The following VIT variants were observed in gnomAD, a reference collection of about 807,000 sequenced individuals.
VIT encodes the protein vitrin.
A neutral mutation model predicts 78.0 loss-of-function variants in VIT; 99 were observed. That is an observed-to-expected ratio of 1.27 (90% CI 1.08 to 1.50). The LOEUF is 1.50. Among genes scored for constraint, VIT ranks in the 40% most tolerant of loss-of-function variants. VIT has a pLI of 0.00. For missense variants in VIT, 1,126 were observed against 875.3 expected (o/e 1.29, Z -3.61); for synonymous variants, 374 against 334.3 (o/e 1.12, Z -1.29).
At chr2:36,735,978 G>A (rs544506372) in intron 3 of VIT, among the ~76,000 whole-genome samples, 1 of 152,170 alleles carries the variant, frequency 6.6e-6, no homozygotes, top group Non-Finnish European at 1.5e-5. Context: ...GTAAGTTAAT[G>A]ACTTAATAAA....
intron 2 of VIT, among the ~76,000 whole-genome samples, chr2:36,723,253 C>T (rs1666625364): frequency 6.6e-6 from 1 of 152,086 alleles, no homozygotes; most frequent in South Asian, 2.1e-4. Context: ...ATTTCCAGAT[C>T]CATTAGAAAT....
chr2:36,788,839 A>G (rs1317925508), intron 12 of VIT, among the ~76,000 whole-genome samples: 2 of 152,206 alleles, frequency 1.3e-5, no homozygotes, highest in Middle Eastern at 3.2e-3. Context: ...TGAAAATAAG[A>G]TGATAAATAT....
At chr2:36,771,948 A>G (rs1202432652) in intron 7 of VIT, among the ~76,000 whole-genome samples, 1 of 152,214 alleles carries the variant, frequency 6.6e-6, no homozygotes, top group Non-Finnish European at 1.5e-5. Flanking sequence ...TGTGTTGTAC[A>G]TGAGAGCATG....
chr2:36,739,256 T>C (rs976127055), intron 3 of VIT, among the ~76,000 whole-genome samples: 7 of 152,232 alleles, frequency 4.6e-5, no homozygotes, highest in Admixed American at 4.6e-4. Flanking sequence ...TAAGGAAACT[T>C]GTTCTCCAGA....
At chr2:36,772,150 C>T (rs1383076684) in intron 7 of VIT, among the ~76,000 whole-genome samples, 1 of 152,004 alleles carries the variant, frequency 6.6e-6, no homozygotes, top group Non-Finnish European at 1.5e-5. Flanking sequence ...CTCATGCCTC[C>T]CTAATTCCAA....
Position 36,801,217 on chromosome 2 carries a change from A to G in VIT, c.1059-84A>G. On this transcript the variant is annotated intron_variant, in intron 12 of 15. Transcript: ENST00000379242. ...GCTTTGAAGCAGCTTCTATTTGTAT[A>G]TAAAAGAATCAACCATGATCTCTGC... 4.0e-6 allele frequency: 5 copies of G among 1,236,342 alleles called. No individual in the cohort carries two copies. In the Admixed American group the frequency reaches 8.7e-5, roughly 21 times the overall value. 76.6% of individuals were successfully genotyped at this position (1,236,342 alleles called of 1,614,324 possible). A position where few individuals can be genotyped will look rare whatever the true frequency, so the allele number is the denominator to read the frequency against.
intron 3 of VIT, among the ~76,000 whole-genome samples, chr2:36,733,561 A>T (rs1266292852): frequency 7.8e-6 from 1 of 128,790 alleles, no homozygotes; most frequent in Non-Finnish European, 1.8e-5. Flanking sequence ...ATTTGAAGAT[A>T]TGAAGAGAGA....
At chr2:36,718,325 G>A (rs1044241507) in intron 2 of VIT, among the ~76,000 whole-genome samples, 5 of 152,144 alleles carry the variant, frequency 3.3e-5, no homozygotes, top group Non-Finnish European at 7.4e-5. Context: ...CAGCTGGGAA[G>A]GCAAGGGGGC....
At chr2:36,770,084 A>G (rs1669656263) in intron 7 of VIT, among the ~76,000 whole-genome samples, 1 of 152,234 alleles carries the variant, frequency 6.6e-6, no homozygotes, top group African/African-American at 2.4e-5. Flanking sequence ...GGCTGTAGGC[A>G]AAAGGTTCTA....
At chr2:36,773,727 A>G in intron 7 of VIT, 64 bp from the exon 8 acceptor site, 1 of 1,259,772 alleles carries the variant, frequency 7.9e-7, no homozygotes, top group Non-Finnish European at 1.1e-6. Context: ...CCGACTCAAA[A>G]ATAAATAAAT....
chr2:36,727,523 G>A (rs529402379), intron 2 of VIT, among the ~76,000 whole-genome samples: 25 of 152,294 alleles, frequency 1.6e-4, no homozygotes, highest in Non-Finnish European at 3.5e-4. Context: ...CCTTCCTCTG[G>A]AAAATGGAGA....
At chr2:36,796,675 C>T (rs1228343047) in intron 12 of VIT, among the ~76,000 whole-genome samples, 1 of 151,742 alleles carries the variant, frequency 6.6e-6, no homozygotes, top group Non-Finnish European at 1.5e-5. Context: ...TTTGTTTGCC[C>T]AGGCTGGTCT....
intron 5 of VIT, among the ~76,000 whole-genome samples, chr2:36,755,471 A>T (rs1411936777): frequency 6.6e-6 from 1 of 152,196 alleles, no homozygotes; most frequent in Non-Finnish European, 1.5e-5. Flanking sequence ...CACAATGGCC[A>T]TATCAAGAGG....
intron 3 of VIT, among the ~76,000 whole-genome samples, chr2:36,731,114 C>T (rs1231451371): frequency 1.3e-5 from 2 of 151,846 alleles, no homozygotes; most frequent in Admixed American, 1.3e-4. Flanking sequence ...GGAGGTGGGG[C>T]TTCACCAGGG....
intron 15 of VIT, among the ~76,000 whole-genome samples, chr2:36,813,322 T>G (rs966137122): frequency 1.3e-5 from 2 of 151,984 alleles, no homozygotes; most frequent in African/African-American, 2.4e-5. Context: ...CAGTGGCACA[T>G]GCTGTAATCC....
intron 3 of VIT, among the ~76,000 whole-genome samples, chr2:36,735,378 T>A (rs914047071): frequency 6.6e-6 from 1 of 152,192 alleles, no homozygotes; most frequent in African/African-American, 2.4e-5. Flanking sequence ...ATCACATTAT[T>A]TTCTAAATCA....
chr2:36,710,204 G>C (rs1388717390), intron 1 of VIT, among the ~76,000 whole-genome samples: 1 of 152,102 alleles, frequency 6.6e-6, no homozygotes, highest in Non-Finnish European at 1.5e-5. Flanking sequence ...AATTTCAAGA[G>C]TTTTTTCATT....
At chr2:36,740,625 A>G (rs10490661) in intron 3 of VIT, among the ~76,000 whole-genome samples, 14,792 of 152,166 alleles carry the variant, frequency 0.097, 1,477 homozygotes, top group East Asian at 0.3. Flanking sequence ...GGACAAATTA[A>G]TGAGTGAATC....
intron 1 of VIT, among the ~76,000 whole-genome samples, chr2:36,700,635 A>G (rs184511439): frequency 1.3e-5 from 2 of 152,194 alleles, no homozygotes; most frequent in African/African-American, 4.8e-5. Context: ...CCAGCTACTA[A>G]AGAGGCTGAG....
Sources: gnomAD v4.1 joint callset for allele counts (sites outside exome capture counted in the v4.1 genomes callset) on GRCh38, gnomAD v4.1.1 for gene constraint, MANE v1.5 for transcripts, NCBI Gene and HGNC (gene_info 2026-07-23, HGNC 2026-07-21) for gene names.